RPUSD2: variants seen among roughly 807,000 people sequenced by gnomAD.
RPUSD2 encodes the protein RNA pseudouridine synthase domain containing 2.
Under a neutral mutation model 41.5 loss-of-function variants are expected in RPUSD2, and 31 were observed. The ratio of observed to expected loss-of-function variants is 0.75; its 90% CI spans 0.56 to 1.01. The LOEUF is 1.01. Among genes scored for constraint, RPUSD2 ranks in the 50% least tolerant of loss-of-function variants. The probability of loss-of-function intolerance (pLI) is 0.00; values close to 1 mark genes in which losing one functional copy is unlikely to be tolerated. For missense variants in RPUSD2, 749 were observed against 724.7 expected, an observed-to-expected ratio of 1.03 and a Z score of -0.38; for synonymous variants, 305 against 289.7, an observed-to-expected ratio of 1.05 and a Z score of -0.54.
In RPUSD2 at chr15:40,571,751, A is replaced by C. The variant is rs1359747109; in HGVS notation, c.754A>C (p.Asn252His). Reference protein sequence around the residue: ...PVHPCGRFRHNTVIFILGKEH... With the variant: ...PVHPCGRFRHHTVIFILGKEH... Reference sequence around the variant, plus strand: ...TCACCCCTGTGGCCGCTTCCGACACAACACAGTTATCTTCATCCTAGGCAA... The same window carrying C: ...TCACCCCTGTGGCCGCTTCCGACACCACACAGTTATCTTCATCCTAGGCAA... The change falls in exon 2 of 3, where the codon AAC becomes CAC. Residue 252 changes from asparagine (N) to histidine (H), a missense_variant. Asn to His is a moderately conservative substitution (Grantham distance 68). Transcript: ENST00000315616. 5 of 1,614,134 alleles carry C rather than the reference A, an allele frequency of 3.1e-6. No individual in the cohort carries two copies. Among genetic ancestry groups the C allele is most frequent in the Non-Finnish European group, 4.2e-6 (5 of 1,180,052 alleles).
chr15:40,570,070 GTTCT>G, intron 1 of RPUSD2, 127 bp downstream of exon 1: 1 of 1,283,082 alleles, frequency 7.8e-7, no homozygotes, highest in Non-Finnish European at 1.0e-6. Flanking sequence ...ATTCTAAAGC[GTTCT>G]CGCTTTCATT....
At chr15:40,573,316 C>CT (rs1281256390) in intron 2 of RPUSD2, among the ~76,000 whole-genome samples, 1 of 152,212 alleles carries the variant, frequency 6.6e-6, no homozygotes, top group Non-Finnish European at 1.5e-5. Context: ...TGAGCCACCT[C>CT]ACCCAGCTGG....
At chr15:40,570,523 G>C (rs941211604) in intron 1 of RPUSD2, among the ~76,000 whole-genome samples, 1 of 152,112 alleles carries the variant, frequency 6.6e-6, no homozygotes, top group African/African-American at 2.4e-5. Flanking sequence ...GAGATGTCAG[G>C]GATAGAGACT....
chr15:40,572,290 C>T (rs1215008260), intron 2 of RPUSD2, among the ~76,000 whole-genome samples: 3 of 150,382 alleles, frequency 2.0e-5, no homozygotes, highest in Admixed American at 6.6e-5. Context: ...AGGCCAGGCG[C>T]AGTGGCTCAC....
In RPUSD2 at chr15:40,569,417, C is replaced by A; in HGVS notation, c.80C>A (p.Thr27Asn). Reference sequence around the variant, plus strand: ...CTTAGGCGCCCTAGCTTTACCAGGACTTGGAGTGGCGATAAGGGCCCAATG... The same window carrying A: ...CTTAGGCGCCCTAGCTTTACCAGGAATTGGAGTGGCGATAAGGGCCCAATG... ...YDLRRPSFTR[T>N]WSGDKGPMAE... Residue 27 changes from threonine to asparagine, a missense_variant, in exon 1 of 3, where the codon ACT (threonine) becomes AAT (asparagine). Coordinates refer to ENST00000315616, the MANE Select transcript of RPUSD2 (RefSeq NM_152260.3). 6.4e-7 allele frequency: 1 copy of A among 1,551,514 alleles called. No homozygotes were observed.
Position 40,569,683 on chromosome 15 carries a change from A to T in RPUSD2, c.346A>T (p.Lys116Ter). The T allele has an allele frequency of 6.4e-7, 1 of 1,562,836 alleles. No homozygotes were observed. Among genetic ancestry groups the T allele is most frequent in the Non-Finnish European group, 8.7e-7 (1 of 1,151,944 alleles). Residue 116 changes from lysine to a stop codon, truncating the protein, a stop_gained, in exon 1 of 3, where the codon AAG becomes TAG. Transcript: ENST00000315616. LOFTEE classifies it high-confidence loss of function. ...GGAGCGTGTCGTGCCGCCCCCGAAGAAGCGGCGGACCGGGGTGAGCTTCGG... is the reference window on the plus strand; with the variant it reads ...GGAGCGTGTCGTGCCGCCCCCGAAGTAGCGGCGGACCGGGGTGAGCTTCGG... The part of the protein sequence containing the change: ...TRERVVPPPK[K>*]RRTGVSFGDE...
chr15:40,570,143 A>G (rs1891108241), intron 1 of RPUSD2, 200 bp downstream of exon 1: 2 of 650,698 alleles, frequency 3.1e-6, no homozygotes, highest in Admixed American at 3.5e-5. Context: ...TCTGTGCTTC[A>G]GGACTCAGCC....
chr15:40,574,138 G>A lies in RPUSD2; in HGVS notation c.1515G>A (p.Val505=), dbSNP rs1406880504. Reference sequence around the variant, plus strand: ...CACTCTGTGCAGAGTGCCGGCTGGTGCGACAGGATCCCTTGCCCCAAGACC... The same window carrying A: ...CACTCTGTGCAGAGTGCCGGCTGGTACGACAGGATCCCTTGCCCCAAGACC... The part of the protein sequence containing the change: ...TDPLCAECRL[V]RQDPLPQDLV... Residue 505 remains valine, a synonymous_variant, in exon 3 of 3, where the codon GTG becomes GTA. Coordinates refer to ENST00000315616, the MANE Select transcript of RPUSD2 (RefSeq NM_152260.3). The A allele has an allele frequency of 2.5e-6, 4 of 1,614,088 alleles. No homozygotes were observed. Among genetic ancestry groups the A allele is most frequent in the East Asian group, 4.5e-5 (2 of 44,906 alleles).
chr15:40,571,083 C>T (rs918666887), intron 1 of RPUSD2, among the ~76,000 whole-genome samples: 1 of 151,974 alleles, frequency 6.6e-6, no homozygotes, highest in Non-Finnish European at 1.5e-5. Context: ...ACCTCCGCCT[C>T]CCAGGTTCAA....
chr15:40,569,355 C>A lies in RPUSD2; in HGVS notation c.18C>A (p.Arg6=). The change falls in exon 1 of 3, where the codon CGC becomes CGA. Residue 6 remains arginine (R), a synonymous_variant. Transcript: ENST00000315616. The part of the protein sequence containing the change: MWLDR[R]GWLRVLGHWR... Reference sequence around the variant, plus strand: ...GCGTGGTTATGTGGCTGGACCGCCGCGGATGGCTCAGGGTTCTTGGACATT... The same window carrying A: ...GCGTGGTTATGTGGCTGGACCGCCGAGGATGGCTCAGGGTTCTTGGACATT... 1 of 1,480,180 alleles carries A rather than the reference C, an allele frequency of 6.8e-7. No individual in the cohort carries two copies. Among genetic ancestry groups the A allele is most frequent in the East Asian group, 2.4e-5 (1 of 40,864 alleles). The allele number at this position is 1,480,180 out of a possible 1,614,324, so 91.7% of individuals were successfully genotyped here. A position where few individuals can be genotyped will look rare whatever the true frequency, so the allele number is the denominator to read the frequency against.
At position 40,569,705 on chromosome 15, in the gene RPUSD2, T is replaced by C; in HGVS notation, c.368T>C (p.Phe123Ser). ...AAGAAGCGGCGGACCGGGGTGAGCT[T>C]CGGAGATGAGCACTTTGCAGAAACC... The part of the protein sequence containing the change: ...PPKKRRTGVS[F>S]GDEHFAETSY... The change falls in exon 1 of 3, where the codon TTC (phenylalanine) becomes TCC (serine). Residue 123 changes from phenylalanine to serine, a missense_variant. By Grantham distance (155) the Phe-to-Ser change is radical (BLOSUM62 -2). Coordinates refer to ENST00000315616, the MANE Select transcript of RPUSD2 (RefSeq NM_152260.3). 6.3e-7 allele frequency: 1 copy of C among 1,580,144 alleles called. No individual in the cohort carries two copies.
chr15:40,571,956 G>A (rs548812198), intron 2 of RPUSD2, 56 bp downstream of exon 2: 9 of 1,543,340 alleles, frequency 5.8e-6, no homozygotes, highest in Non-Finnish European at 7.9e-6. Flanking sequence ...AATGCTCTGT[G>A]TCAAAAGGGC....
chr15:40,570,762 C>T (rs1334963043), intron 1 of RPUSD2, among the ~76,000 whole-genome samples: 1 of 152,176 alleles, frequency 6.6e-6, no homozygotes, highest in Non-Finnish European at 1.5e-5. Context: ...CGAATTCCCT[C>T]TCCTATCCCA....
rs772971591 is a variant in RPUSD2 at position 40,573,547 on chromosome 15, C to T, written c.924C>T (p.Cys308=). ...TGTAGCTGGAGAAGGAGTACGTGTG[C>T]CGGGTGGAAGGGGAGTTCCCCACTG... ...RDRQLEKEYV[C]RVEGEFPTEE... Residue 308 remains cysteine, a synonymous_variant, in exon 3 of 3, where the codon TGC becomes TGT. Transcript: ENST00000315616. 6.2e-7 allele frequency: 1 copy of T among 1,613,094 alleles called. No individual in the cohort carries two copies. The highest frequency in any genetic ancestry group is 1.1e-5 in the South Asian group (1 of 90,908).
At chr15:40,572,595 G>A (rs1273164959) in intron 2 of RPUSD2, among the ~76,000 whole-genome samples, 1 of 151,706 alleles carries the variant, frequency 6.6e-6, no homozygotes, top group East Asian at 1.9e-4. Flanking sequence ...ACCCTGGCAT[G>A]GTGGCACATG....
rs774311871 is a variant in RPUSD2, at chr15:40,571,670, C to T, written c.673C>T (p.Leu225=). The T allele has an allele frequency of 2.4e-5, 38 of 1,614,256 alleles. 1 individual carries two copies. In the South Asian group the frequency reaches 4.0e-4, roughly 17 times the overall value. Residue 225 remains leucine (L), a synonymous_variant, in exon 2 of 3, where the codon CTG becomes TTG. Transcript: ENST00000315616. ...ACCAGTCACAGCAGAGCCCATTCGC[C>T]TGCTAGCTGAGAACGAAGATGTGGT... ...EPPVTAEPIR[L]LAENEDVVVV...
chr15:40,569,325 G>C lies in RPUSD2; in HGVS notation c.-13G>C, dbSNP rs540134719. The stretch of plus-strand genomic sequence containing the variant: ...GATCGCGACCCTGGGAGTGGAGTGG[G>C]GGCAGCGTGGTTATGTGGCTGGACC... On this transcript the variant is annotated 5_prime_UTR_variant, in exon 1 of 3. Transcript: ENST00000315616. The C allele has an allele frequency of 2.8e-5, 41 of 1,458,242 alleles. No homozygotes were observed. The highest frequency in any genetic ancestry group is 3.4e-5 in the Non-Finnish European group (38 of 1,104,802). The allele number at this position is 1,458,242 out of a possible 1,614,324, so 90.3% of individuals were successfully genotyped here. A position where few individuals can be genotyped will look rare whatever the true frequency, so the allele number is the denominator to read the frequency against.
intron 2 of RPUSD2, among the ~76,000 whole-genome samples, chr15:40,573,055 G>T (rs190661178): frequency 2.0e-5 from 2 of 97,776 alleles, no homozygotes; most frequent in East Asian, 5.4e-4. Flanking sequence ...ATGGAGTTTC[G>T]CTCTTGTTGC....
chr15:40,574,258 C>CT lies in RPUSD2; in HGVS notation c.1636dup (p.Ter546LeufsTer14). 6.2e-7 allele frequency: 1 copy of CT among 1,609,128 alleles called. No individual in the cohort carries two copies. The highest frequency in any genetic ancestry group is 8.5e-7 in the Non-Finnish European group (1 of 1,178,308). On this transcript the variant is annotated frameshift_variant, in exon 3 of 3. Coordinates refer to ENST00000315616, the MANE Select transcript of RPUSD2 (RefSeq NM_152260.3). LOFTEE classifies it high-confidence loss of function. ...GGGCACAGGATGACTGGCAAAAGGA[C>CT]TGAGGGTGTGGCCAATGGAGGGATT...
Sources: allele counts gnomAD v4.1 joint callset (sites outside exome capture counted in the v4.1 genomes callset), GRCh38; gene constraint gnomAD v4.1.1; transcripts MANE v1.5; gene names NCBI Gene and HGNC (gene_info 2026-07-23, HGNC 2026-07-21).